The following CDKN1A variants were observed in gnomAD, a reference collection of about 807,000 sequenced individuals.
CDKN1A encodes cyclin-dependent kinase inhibitor 1.
CDKN1A carries 14 observed loss-of-function variants against 14.8 expected under a neutral mutation model. The observed-to-expected ratio is 0.94, with a 90% CI of 0.62 to 1.48. CDKN1A has a LOEUF of 1.48. Ranked by LOEUF, CDKN1A falls within the 40% of genes most tolerant of loss-of-function variation. CDKN1A has a pLI of 0.00. For synonymous variants in CDKN1A, 92 were observed against 93.5 expected (o/e 0.98, Z 0.09); for missense variants, 203 against 231.7 (o/e 0.88, Z 0.80).
intron 1 of CDKN1A, among the ~76,000 whole-genome samples, chr6:36,681,870 A>G (rs529214603): frequency 2.0e-4 from 31 of 152,028 alleles, no homozygotes; most frequent in Non-Finnish European, 7.4e-5. Context: ...CTGGGATTAC[A>G]GGTGTGAGAC....
chr6:36,685,061 AAC>A (rs1762154043), intron 2 of CDKN1A, among the ~76,000 whole-genome samples: 1 of 152,080 alleles, frequency 6.6e-6, no homozygotes, highest in African/African-American at 2.4e-5. Context: ...GCTGGTCTTG[AAC>A]TCCTGAGCTC....
rs1762229032 is a variant in CDKN1A at position 36,686,945 on chromosome 6, A to G, written c.*1145A>G. ...CATCCACCCCATCCCTCCCCAGTTC[A>G]TTGCACTTTGATTAGCAGCGGAACA... On this transcript the variant is annotated 3_prime_UTR_variant, in exon 3 of 3. Coordinates refer to ENST00000244741, the MANE Select transcript of CDKN1A (RefSeq NM_000389.5). The surrounding 1 kb of genome is among the most constrained non-coding windows in gnomAD (Gnocchi z 4.9). The G allele has an allele frequency of 4.3e-6, 1 of 233,688 alleles. No individual in the cohort carries two copies. Among genetic ancestry groups the G allele is most frequent in the South Asian group, 1.8e-4 (1 of 5,528 alleles). 14.5% of individuals were successfully genotyped at this position (233,688 alleles called of 1,614,324 possible).
At chr6:36,680,020 C>T (rs909900515) in intron 1 of CDKN1A, among the ~76,000 whole-genome samples, 3 of 152,186 alleles carry the variant, frequency 2.0e-5, no homozygotes, top group Admixed American at 6.5e-5. Context: ...CCGCCTGGCG[C>T]GGACCACAGC....
rs540064877 is a variant in CDKN1A, at chr6:36,686,870, T to A, written c.*1070T>A. 2.6e-3 allele frequency: 613 copies of A among 233,666 alleles called. 12 individuals carry two copies. Among genetic ancestry groups the A allele is most frequent in the Middle Eastern group, 0.01 (8 of 786 alleles). 14.5% of individuals were successfully genotyped at this position (233,666 alleles called of 1,614,324 possible). Reference sequence around the variant, plus strand: ...TAGGGGTATATGATGGGGGAGTAGATCTTTCTAGGAGGGAGACACTGGCCC... The same window carrying A: ...TAGGGGTATATGATGGGGGAGTAGAACTTTCTAGGAGGGAGACACTGGCCC... On this transcript the variant is annotated 3_prime_UTR_variant, in exon 3 of 3. Coordinates refer to ENST00000244741, the MANE Select transcript of CDKN1A (RefSeq NM_000389.5). The surrounding 1 kb of genome is among the most constrained non-coding windows in gnomAD (Gnocchi z 4.9).
intron 1 of CDKN1A, among the ~76,000 whole-genome samples, chr6:36,679,152 C>T (rs927201082): frequency 3.3e-5 from 5 of 152,190 alleles, no homozygotes; most frequent in Admixed American, 3.3e-4. Context: ...CCTTTGGCTG[C>T]GGTTGGCTCC....
At chr6:36,682,151 C>G (rs1189813906) in intron 1 of CDKN1A, among the ~76,000 whole-genome samples, 1 of 152,212 alleles carries the variant, frequency 6.6e-6, no homozygotes, top group Non-Finnish European at 1.5e-5. Flanking sequence ...GGCCTGGGTT[C>G]AGATCCTGGC....
Position 36,686,468 on chromosome 6 carries a change from G to A in CDKN1A, c.*668G>A, listed in dbSNP as rs757862523. ...GTGGGGTCCTGGAGCAGACCACCCC[G>A]CCTGCCCTCATGGCCCCTCTGACCT... On this transcript the variant is annotated 3_prime_UTR_variant, in exon 3 of 3. Transcript: ENST00000244741. The surrounding 1 kb of genome is among the most constrained non-coding windows in gnomAD (Gnocchi z 4.9). The A allele has an allele frequency of 4.2e-6, 1 of 237,966 alleles. No individual in the cohort carries two copies. The highest frequency in any genetic ancestry group is 8.3e-6 in the Non-Finnish European group (1 of 120,858). 14.7% of individuals were successfully genotyped at this position (237,966 alleles called of 1,614,324 possible). A position where few individuals can be genotyped will look rare whatever the true frequency, so the allele number is the denominator to read the frequency against.
intron 1 of CDKN1A, among the ~76,000 whole-genome samples, chr6:36,681,273 T>TCTCTTTCTTTCCTTCC (rs199814609): frequency 1.1e-4 from 10 of 94,138 alleles, no homozygotes; most frequent in East Asian, 8.1e-4. Flanking sequence ...CTTTTCTTTC[T>TCTCTTTCTTTCCTTCC]TTCTTTTTTT....
intron 1 of CDKN1A, among the ~76,000 whole-genome samples, chr6:36,681,264 T>TTTTCTTTCCTTCTTTCTTTCTTTC (rs1562037839): frequency 5.3e-4 from 43 of 81,880 alleles, no homozygotes; most frequent in South Asian, 8.5e-4. Flanking sequence ...CCCTAGGTGC[T>TTTTCTTTCCTTCTTTCTTTCTTTC]TTTCTTTCTT....
At position 36,678,766 on chromosome 6, in the gene CDKN1A, G is replaced by A; in HGVS notation, c.-38G>A. ...TCCTTGTGGAGCCGGAGCTGGGCGC[G>A]GATTCGCCGAGGCACCGAGGCACTC... On this transcript the variant is annotated 5_prime_UTR_variant, in exon 1 of 3. Transcript: ENST00000244741. This position sits in a 1 kb window ranked among gnomAD's most constrained non-coding sequence, Gnocchi z 5.7. 1 of 985,748 alleles carries A rather than the reference G, an allele frequency of 1.0e-6. No individual in the cohort carries two copies. The highest frequency in any genetic ancestry group is 1.2e-6 in the Non-Finnish European group (1 of 830,168). The allele number at this position is 985,748 out of a possible 1,614,324, so 61.1% of individuals were successfully genotyped here.
At chr6:36,681,360 CT>C (rs879617665) in intron 1 of CDKN1A, among the ~76,000 whole-genome samples, 959 of 48,566 alleles carry the variant, frequency 0.02, 5 homozygotes, top group South Asian at 0.025. Flanking sequence ...CTTTTTCTTT[CT>C]TTTCTTTCTT....
At chr6:36,680,538 C>T (rs1761899554) in intron 1 of CDKN1A, 1 of 152,114 alleles carries the variant, frequency 6.6e-6, no homozygotes, top group African/African-American at 2.4e-5. Flanking sequence ...GAAACTGACT[C>T]ATCACTACTC....
At chr6:36,677,760 C>A (rs1373928452), upstream of CDKN1A, 5 of 672,564 alleles carry the variant, frequency 7.4e-6, no homozygotes, top group Admixed American at 2.3e-5. Flanking sequence ...CAACTATAGT[C>A]ATTTCTTTGC....
intron 1 of CDKN1A, among the ~76,000 whole-genome samples, chr6:36,681,285 TTTC>T (rs1761945699): frequency 1.8e-5 from 1 of 55,644 alleles, no homozygotes; most frequent in Non-Finnish European, 3.4e-5. Flanking sequence ...TCTTTTTTTC[TTTC>T]TTTCTTTCTT....
intron 1 of CDKN1A, chr6:36,679,030 C>A: frequency 2.1e-6 from 2 of 949,140 alleles, no homozygotes; most frequent in Non-Finnish European, 2.5e-6. Flanking sequence ...GTGCCGGAGA[C>A]CCCGGGGCGG....
At chr6:36,677,498 G>A (rs977789784), upstream of CDKN1A, 3 of 202,340 alleles carry the variant, frequency 1.5e-5, no homozygotes, top group South Asian at 3.1e-4. Flanking sequence ...AATGTTTCAG[G>A]CACAGAAAGG....
At chr6:36,678,491 G>C (rs1227629150), upstream of CDKN1A, 1 of 168,194 alleles carries the variant, frequency 5.9e-6, no homozygotes, top group Non-Finnish European at 1.2e-5. This position sits in a 1 kb window ranked among gnomAD's most constrained non-coding sequence, Gnocchi z 5.7. Context: ...GCGAGGGACT[G>C]GGGGAGGAGG....
intron 1 of CDKN1A, among the ~76,000 whole-genome samples, chr6:36,681,280 T>TTTTCTTTC (rs1203395813): frequency 2.8e-4 from 32 of 112,886 alleles, no homozygotes; most frequent in South Asian, 2.7e-3. Flanking sequence ...TTCTTTCTTT[T>TTTTCTTTC]TTTCTTTCTT....
In CDKN1A at chr6:36,678,837, G is replaced by C; in HGVS notation, c.-6+39G>C. 1.0e-6 allele frequency: 1 copy of C among 985,806 alleles called. No homozygotes were observed. Among genetic ancestry groups the C allele is most frequent in the Non-Finnish European group, 1.2e-6 (1 of 830,190 alleles). The allele number at this position is 985,806 out of a possible 1,614,324, so 61.1% of individuals were successfully genotyped here. A position where few individuals can be genotyped will look rare whatever the true frequency, so the allele number is the denominator to read the frequency against. Reference sequence around the variant, plus strand: ...GGCAGACAACAGGGGACCCCGGGCCGGCGGCCCAGAGCCGAGCCAAGCGTG... The same window carrying C: ...GGCAGACAACAGGGGACCCCGGGCCCGCGGCCCAGAGCCGAGCCAAGCGTG... On this transcript the variant is annotated intron_variant, in intron 1 of 2. Transcript: ENST00000244741. This position sits in a 1 kb window ranked among gnomAD's most constrained non-coding sequence, Gnocchi z 5.7.
Sources: allele counts gnomAD v4.1 joint callset (sites outside exome capture counted in the v4.1 genomes callset), GRCh38; gene constraint gnomAD v4.1.1; non-coding constraint Gnocchi (gnomAD v3.1); transcripts MANE v1.5; gene names NCBI Gene and HGNC (gene_info 2026-07-23, HGNC 2026-07-21).